Variants in ECPAS observed in about 807,000 individuals in gnomAD.
The protein encoded by ECPAS is proteasome adapter and scaffold protein ECM29.
Under a neutral mutation model 255.1 loss-of-function variants are expected in ECPAS, and 70 were observed. The ratio of observed to expected loss-of-function variants is 0.27; its 90% CI spans 0.23 to 0.33. The LOEUF is 0.33. Ranked by LOEUF, ECPAS falls within the 10% of genes least tolerant of loss-of-function variation. ECPAS has a pLI of 1.00. For synonymous variants in ECPAS, 784 were observed against 775.0 expected, an observed-to-expected ratio of 1.01 and a Z score of -0.19; for missense variants, 1,817 against 2,206.4, an observed-to-expected ratio of 0.82 and a Z score of 3.54.
intron 24 of ECPAS, among the ~76,000 whole-genome samples, chr9:111,400,461 G>A (rs1297524320): frequency 6.6e-6 from 1 of 152,220 alleles, no homozygotes; most frequent in Non-Finnish European, 1.5e-5. Context: ...CAATCCTGGA[G>A]TGGTGTAGAT....
At position 111,378,680 on chromosome 9, in the gene ECPAS, G is replaced by A. The variant is rs774721583; in HGVS notation, c.3854C>T (p.Pro1285Leu). Residue 1285 changes from proline to leucine, a missense_variant, in exon 36 of 50, where the codon CCG becomes CTG. Physicochemically the swap from Pro to Leu is moderately conservative, Grantham distance 98. Coordinates refer to ENST00000684092, the MANE Select transcript of ECPAS (RefSeq NM_001364929.1). ...ISKSAGAMLK[P>L]HAPKLIPALL... ...AGCTGGAATGAGTTTTGGTGCATGC[G>A]GTTTCAACATGGCTCCTGCACTTTT... 13 of 1,613,686 alleles carry A rather than the reference G, an allele frequency of 8.1e-6. No homozygotes were observed. The highest frequency in any genetic ancestry group is 1.6e-4 in the Middle Eastern group (1 of 6,082).
intron 2 of ECPAS, among the ~76,000 whole-genome samples, chr9:111,465,076 T>G (rs1035575229): frequency 1.3e-5 from 2 of 151,898 alleles, no homozygotes; most frequent in Non-Finnish European, 2.9e-5. Flanking sequence ...AGGTGGAGGT[T>G]GTGGTGAGTC....
chr9:111,375,040 C>T, intron 38 of ECPAS, 73 bp downstream of exon 38: 2 of 1,091,432 alleles, frequency 1.8e-6, no homozygotes, highest in South Asian at 1.3e-5. Context: ...GAATTTCAAA[C>T]ATGATGGCTG....
chr9:111,385,919 A>G (rs1007907742), intron 32 of ECPAS, among the ~76,000 whole-genome samples: 16 of 152,224 alleles, frequency 1.1e-4, no homozygotes, highest in African/African-American at 3.6e-4. Context: ...AAAAATAACT[A>G]ATGTAGCCAA....
chr9:111,409,306 C>T (rs2098190206), intron 23 of ECPAS, among the ~76,000 whole-genome samples: 1 of 152,088 alleles, frequency 6.6e-6, no homozygotes, highest in Non-Finnish European at 1.5e-5. Context: ...AGCCTGTAAT[C>T]CCAGCACTTT....
At chr9:111,452,644 A>G (rs2098261777) in intron 2 of ECPAS, among the ~76,000 whole-genome samples, 1 of 152,188 alleles carries the variant, frequency 6.6e-6, no homozygotes, top group African/African-American at 2.4e-5. Context: ...TTCCACAATA[A>G]TTTTCTACAG....
chr9:111,375,216 A>G lies in ECPAS; in HGVS notation c.4021-14T>C. The G allele has an allele frequency of 6.2e-7, 1 of 1,607,082 alleles. No homozygotes were observed. The highest frequency in any genetic ancestry group is 8.5e-7 in the Non-Finnish European group (1 of 1,173,938). The stretch of plus-strand genomic sequence containing the variant: ...GTATTGCAGGCACTTTTGAAAAAGG[A>G]CAAATATAAAGGTAAGCCTTGGCAA... On this transcript the variant is annotated splice_polypyrimidine_tract_variant and intron_variant, in intron 37 of 49. Coordinates refer to ENST00000684092, the MANE Select transcript of ECPAS (RefSeq NM_001364929.1).
At chr9:111,372,934 A>G (rs2098129160) in intron 41 of ECPAS, among the ~76,000 whole-genome samples, 1 of 152,174 alleles carries the variant, frequency 6.6e-6, no homozygotes, top group South Asian at 2.1e-4. Flanking sequence ...CAGGAGGCTG[A>G]GACACAAGAA....
chr9:111,394,066 A>G (rs1451396734), intron 26 of ECPAS, 94 bp downstream of exon 26: 7 of 1,176,994 alleles, frequency 5.9e-6, no homozygotes, highest in Non-Finnish European at 3.5e-6. Flanking sequence ...CAAAATACCT[A>G]CTATTGGTTA....
In ECPAS at chr9:111,403,080, C is replaced by T. The variant is rs1295686419; in HGVS notation, c.2652+5491G>A. On this transcript the variant is annotated intron_variant, in intron 24 of 49. Coordinates refer to ENST00000684092, the MANE Select transcript of ECPAS (RefSeq NM_001364929.1). Reference sequence around the variant, plus strand: ...ACAAGAAATTCACTTTGGCTGGGCACGGTGGCTCACACCTGTAATCCTAAC... The same window carrying T: ...ACAAGAAATTCACTTTGGCTGGGCATGGTGGCTCACACCTGTAATCCTAAC... Among the ~76,000 whole-genome samples the T allele has an allele frequency of 7.2e-5, 11 of 151,780 alleles. No individual in the cohort carries two copies. The South Asian group carries it at 8.3e-4, about 11-fold the overall frequency.
intron 3 of ECPAS, among the ~76,000 whole-genome samples, chr9:111,444,883 G>T (rs1158662665): frequency 6.7e-6 from 1 of 150,040 alleles, no homozygotes; most frequent in Non-Finnish European, 1.5e-5. Context: ...GCTAATTTTT[G>T]TATTTTTTCA....
intron 7 of ECPAS, among the ~76,000 whole-genome samples, chr9:111,435,679 CTTT>C (rs1163482272): frequency 5.3e-5 from 7 of 132,578 alleles, no homozygotes; most frequent in Admixed American, 7.6e-5. Flanking sequence ...TTCAGTAAAT[CTTT>C]TTTTTTTTTT....
intron 24 of ECPAS, among the ~76,000 whole-genome samples, chr9:111,398,475 A>G (rs2098170791): frequency 6.6e-6 from 1 of 152,236 alleles, no homozygotes; most frequent in Non-Finnish European, 1.5e-5. Flanking sequence ...GGGGGGTTCA[A>G]TAGAGAAAAT....
chr9:111,397,861 C>T (rs762666521), intron 24 of ECPAS, among the ~76,000 whole-genome samples: 1 of 152,182 alleles, frequency 6.6e-6, no homozygotes, highest in Non-Finnish European at 1.5e-5. Flanking sequence ...ACTATTCTTA[C>T]AGCTTCACTG....
intron 34 of ECPAS, among the ~76,000 whole-genome samples, chr9:111,383,855 G>A (rs375292257): frequency 1.8e-4 from 27 of 152,234 alleles, no homozygotes; most frequent in African/African-American, 5.1e-4. Flanking sequence ...CCGGCAGGTC[G>A]AGACTACAGT....
Position 111,370,636 on chromosome 9 carries a change from T to C in ECPAS, c.4782-9A>G, listed in dbSNP as rs542485826. 84 of 1,609,406 alleles carry C rather than the reference T, an allele frequency of 5.2e-5. 1 individual carries two copies. In the South Asian group the frequency reaches 8.9e-4, roughly 17 times the overall value. The stretch of plus-strand genomic sequence containing the variant: ...ACTTTTCCAGCTCTGCACTACAGGG[T>C]CCATACAAAAGCATCAGAAGTTAAT... On this transcript the variant is annotated splice_polypyrimidine_tract_variant and intron_variant, in intron 44 of 49. Transcript: ENST00000684092.
chr9:111,410,818 C>T (rs75808030), intron 22 of ECPAS, among the ~76,000 whole-genome samples, 162 bp downstream of exon 22: 2,469 of 152,228 alleles, frequency 0.016, 35 homozygotes, highest in Non-Finnish European at 0.021. Context: ...CACACCCAGC[C>T]TTCGTTGTTA....
intron 35 of ECPAS, among the ~76,000 whole-genome samples, chr9:111,381,756 T>C (rs1165478425): frequency 1.3e-5 from 2 of 152,192 alleles, no homozygotes; most frequent in African/African-American, 2.4e-5. Context: ...ATATTAATGA[T>C]TTTTTCATAT....
chr9:111,403,825 TG>T (rs747853701), intron 24 of ECPAS, among the ~76,000 whole-genome samples: 2 of 149,848 alleles, frequency 1.3e-5, no homozygotes, highest in Non-Finnish European at 2.9e-5. Context: ...CATCAGCACA[TG>T]GAACATTTTC....
Sources: allele counts gnomAD v4.1 joint callset (sites outside exome capture counted in the v4.1 genomes callset), GRCh38; gene constraint gnomAD v4.1.1; transcripts MANE v1.5; gene names NCBI Gene and HGNC (gene_info 2026-07-23, HGNC 2026-07-21).